The following CDH11 variants were observed in gnomAD, a reference collection of about 807,000 sequenced individuals.
The protein encoded by CDH11 is cadherin-11.
In CDH11, 11 loss-of-function variants were observed where a neutral mutation model predicts 67.8. The ratio of observed to expected loss-of-function variants is 0.16; its 90% CI spans 0.10 to 0.27. CDH11 has a LOEUF of 0.27. CDH11 is among the 10% of genes least tolerant of loss of function. The pLI is 1.00. For synonymous variants in CDH11, 419 were observed against 400.0 expected (o/e 1.05, Z -0.57); for missense variants, 847 against 1,031.2 (o/e 0.82, Z 2.45).
intron 1 of CDH11, among the ~76,000 whole-genome samples, chr16:65,102,190 G>T (rs1218193492): frequency 1.4e-4 from 21 of 152,160 alleles, no homozygotes; most frequent in Admixed American, 1.4e-3. Context: ...AAGAACCAAA[G>T]ATAATGTTTG....
intron 1 of CDH11, among the ~76,000 whole-genome samples, chr16:65,111,784 A>C (rs2142884261): frequency 6.6e-6 from 1 of 151,948 alleles, no homozygotes; most frequent in East Asian, 1.9e-4. Context: ...AAAAATGAAT[A>C]ATTGCAACAG....
At chr16:65,075,725 A>G (rs528305875) in intron 1 of CDH11, among the ~76,000 whole-genome samples, 1 of 152,330 alleles carries the variant, frequency 6.6e-6, no homozygotes, top group South Asian at 2.1e-4. Flanking sequence ...CCATCCCTAG[A>G]CAATGTGCTA....
At chr16:65,105,868 A>G (rs2142868898) in intron 1 of CDH11, among the ~76,000 whole-genome samples, 1 of 152,366 alleles carries the variant, frequency 6.6e-6, no homozygotes, top group South Asian at 2.1e-4. Flanking sequence ...AACGTTAAGC[A>G]AAGACAGGCA....
In CDH11 at chr16:65,047,674, T is replaced by A. The variant is rs140413042; in HGVS notation, c.-173+6130A>T. On this transcript the variant is annotated intron_variant, in intron 2 of 12. Coordinates refer to ENST00000268603, the MANE Select transcript of CDH11 (RefSeq NM_001797.4). ...CTCACCTTTTAAATTTTAACCGTCT[T>A]TATCTATTTTAACCATCTTAACTGT... 1.3e-3 allele frequency among the ~76,000 whole-genome samples: 195 copies of A among 152,268 alleles called. 1 individual carries two copies. The highest frequency in any genetic ancestry group is 0.01 in the Admixed American group (155 of 15,282).
chr16:65,050,936 C>G (rs2074045855), intron 2 of CDH11, among the ~76,000 whole-genome samples: 1 of 152,106 alleles, frequency 6.6e-6, no homozygotes, highest in African/African-American at 2.4e-5. Context: ...ACTCGCACAT[C>G]TTATTGAGGA....
intron 12 of CDH11, 129 bp from the exon 13 acceptor site, chr16:64,948,228 G>C (rs1010603916): frequency 1.6e-6 from 2 of 1,224,880 alleles, no homozygotes; most frequent in Non-Finnish European, 2.2e-6. Context: ...TATAGGAAAT[G>C]AGAGCTTTGC....
At chr16:64,981,894 A>G (rs770387748) in intron 8 of CDH11, 154 bp downstream of exon 8, 41 of 636,320 alleles carry the variant, frequency 6.4e-5, no homozygotes, top group Non-Finnish European at 1.0e-4. Context: ...AGGGAAGCTC[A>G]TGTCTTCTAA....
chr16:65,058,622 C>T (rs972854718), intron 1 of CDH11, among the ~76,000 whole-genome samples: 5 of 152,098 alleles, frequency 3.3e-5, no homozygotes, highest in Non-Finnish European at 4.4e-5. Context: ...TGCAAAGTTC[C>T]AAACCCATAT....
chr16:65,069,041 G>C (rs140442761), intron 1 of CDH11, among the ~76,000 whole-genome samples: 15 of 152,138 alleles, frequency 9.9e-5, no homozygotes, highest in Admixed American at 9.8e-4. Flanking sequence ...GGACCTTGTC[G>C]GTATTGCAAT....
chr16:65,040,209 A>G (rs1852690267), intron 2 of CDH11, among the ~76,000 whole-genome samples: 1 of 152,224 alleles, frequency 6.6e-6, no homozygotes, highest in African/African-American at 2.4e-5. Flanking sequence ...TACTGGGTAT[A>G]TACCCAAAGG....
intron 4 of CDH11, among the ~76,000 whole-genome samples, chr16:64,994,707 C>T (rs1010943513): frequency 2.6e-5 from 4 of 152,156 alleles, no homozygotes; most frequent in African/African-American, 9.7e-5. Context: ...AAGTCCTAAT[C>T]AGAGCAATGA....
At chr16:65,119,411 A>T (rs2075289913) in intron 1 of CDH11, among the ~76,000 whole-genome samples, 1 of 152,194 alleles carries the variant, frequency 6.6e-6, no homozygotes, top group Non-Finnish European at 1.5e-5. Context: ...AAAAGATTGC[A>T]TCTTAATTGA....
intron 1 of CDH11, among the ~76,000 whole-genome samples, chr16:65,113,811 T>G (rs2075199153): frequency 6.6e-6 from 1 of 152,132 alleles, no homozygotes; most frequent in Non-Finnish European, 1.5e-5. Flanking sequence ...ATGCGTGATT[T>G]CCACCGCACC....
chr16:64,999,488 C>A (rs1417728525), intron 3 of CDH11, among the ~76,000 whole-genome samples: 1 of 152,108 alleles, frequency 6.6e-6, no homozygotes, highest in East Asian at 1.9e-4. Context: ...AGATCTTCCT[C>A]ATCTACTGTA....
chr16:65,068,597 T>C (rs753047776), intron 1 of CDH11, among the ~76,000 whole-genome samples: 8 of 152,160 alleles, frequency 5.3e-5, no homozygotes, highest in Non-Finnish European at 7.4e-5. Flanking sequence ...TACCAGATCA[T>C]TTCTGCACAC....
intron 1 of CDH11, among the ~76,000 whole-genome samples, chr16:65,115,714 AAAAAAAAC>A (rs1172197938): frequency 1.4e-5 from 2 of 138,742 alleles, no homozygotes; most frequent in Non-Finnish European, 1.6e-5. Context: ...CACCAAAAAA[AAAAAAAAC>A]AAAAAAACAA....
intron 1 of CDH11, among the ~76,000 whole-genome samples, chr16:65,057,360 A>G (rs2074160564): frequency 6.6e-6 from 1 of 152,172 alleles, no homozygotes; most frequent in African/African-American, 2.4e-5. Context: ...CTTCAAGTAC[A>G]GCGCCATTGT....
intron 2 of CDH11, among the ~76,000 whole-genome samples, chr16:65,005,997 T>A (rs1211328397): frequency 6.6e-6 from 1 of 152,222 alleles, no homozygotes; most frequent in Non-Finnish European, 1.5e-5. Context: ...TCTCCAGCAC[T>A]CTGGTTCTTA....
At chr16:65,084,417 T>C (rs1459756576) in intron 1 of CDH11, among the ~76,000 whole-genome samples, 2 of 151,790 alleles carry the variant, frequency 1.3e-5, no homozygotes, top group African/African-American at 2.4e-5. Context: ...AATTGAACCA[T>C]TGCACTTCAG....
Sources: gnomAD v4.1 joint callset for allele counts (sites outside exome capture counted in the v4.1 genomes callset) on GRCh38, gnomAD v4.1.1 for gene constraint, MANE v1.5 for transcripts, NCBI Gene and HGNC (gene_info 2026-07-23, HGNC 2026-07-21) for gene names.